Variants in FGGY observed in about 807,000 individuals in gnomAD.
FGGY encodes the protein FGGY carbohydrate kinase domain containing, also known as FGGY carbohydrate kinase domain-containing protein.
A neutral mutation model predicts 71.3 loss-of-function variants in FGGY; 72 were observed. The ratio of observed to expected loss-of-function variants is 1.01; its 90% CI spans 0.84 to 1.23. The LOEUF (loss-of-function observed/expected upper bound fraction) is 1.23. Among genes scored for constraint, FGGY ranks in the 50% most tolerant of loss-of-function variants. The pLI is 0.00. For synonymous variants in FGGY, 251 were observed against 250.3 expected (o/e 1.00, Z -0.02); for missense variants, 668 against 682.3 (o/e 0.98, Z 0.23).
At chr1:59,374,446 A>T (rs1329766351) in intron 4 of FGGY, among the ~76,000 whole-genome samples, 1 of 152,170 alleles carries the variant, frequency 6.6e-6, no homozygotes, top group Admixed American at 6.5e-5. Context: ...ACACTTTTAC[A>T]CTGTTGTTGG....
chr1:59,379,197 T>C (rs1374775075), intron 5 of FGGY, among the ~76,000 whole-genome samples: 1 of 83,626 alleles, frequency 1.2e-5, no homozygotes, highest in Non-Finnish European at 2.5e-5. Context: ...ACACACAGAG[T>C]CACGCATTCC....
intron 5 of FGGY, among the ~76,000 whole-genome samples, chr1:59,452,415 A>G (rs2153502741): frequency 6.6e-6 from 1 of 152,260 alleles, no homozygotes; most frequent in Non-Finnish European, 1.5e-5. Flanking sequence ...GAAATTTTAA[A>G]CGTAAAATCA....
rs536430718 is a variant in FGGY at position 59,644,839 on chromosome 1, T to G, written c.1221+6464T>G. ...AAAAATACAAAAAATTGGCTGTGCGTGGTGGCACACACCTATGGTCCCAGC... is the reference window on the plus strand; with the variant it reads ...AAAAATACAAAAAATTGGCTGTGCGGGGTGGCACACACCTATGGTCCCAGC... On this transcript the variant is annotated intron_variant, in intron 11 of 15. Transcript: ENST00000303721. Among the ~76,000 whole-genome samples, 8 of 152,192 alleles carry G rather than the reference T, an allele frequency of 5.3e-5. No individual in the cohort carries two copies. The South Asian group carries it at 1.4e-3, about 28-fold the overall frequency.
At chr1:59,657,591 A>G (rs2097232258) in intron 11 of FGGY, among the ~76,000 whole-genome samples, 1 of 152,140 alleles carries the variant, frequency 6.6e-6, no homozygotes, top group Non-Finnish European at 1.5e-5. Flanking sequence ...GTTCATGACT[A>G]GTGATCATTG....
intron 5 of FGGY, among the ~76,000 whole-genome samples, chr1:59,386,538 C>T (rs2060094183): frequency 6.6e-6 from 1 of 151,862 alleles, no homozygotes; most frequent in Non-Finnish European, 1.5e-5. Flanking sequence ...TACTCTTCCA[C>T]CCCCCACCCC....
rs531925531 is a variant in FGGY, at chr1:59,410,572, G to T, written c.554+31735G>T. Among the ~76,000 whole-genome samples, 9 of 152,170 alleles carry T rather than the reference G, an allele frequency of 5.9e-5. No homozygotes were observed. The East Asian group carries it at 1.7e-3, about 30-fold the overall frequency. On this transcript the variant is annotated intron_variant, in intron 5 of 15. Transcript: ENST00000303721. ...TTATTGATGATGGTATAGGGATAGG[G>T]TGTTAAAGAACATTGATGCCCATAG...
chr1:59,449,921 C>T (rs980194477), intron 5 of FGGY, among the ~76,000 whole-genome samples: 1 of 152,164 alleles, frequency 6.6e-6, no homozygotes, highest in African/African-American at 2.4e-5. Flanking sequence ...AGTCAGTCCT[C>T]ATCATGCCAC....
chr1:59,352,088 C>T (rs1557642793), intron 4 of FGGY, among the ~76,000 whole-genome samples: 1 of 152,158 alleles, frequency 6.6e-6, no homozygotes, highest in South Asian at 2.1e-4. Flanking sequence ...TTTTTCATAA[C>T]CCCCAGCAGT....
intron 8 of FGGY, among the ~76,000 whole-genome samples, chr1:59,586,564 G>A (rs2096291872): frequency 6.6e-6 from 1 of 152,148 alleles, no homozygotes; most frequent in African/African-American, 2.4e-5. Context: ...GTTAAATGAC[G>A]AGTTAATGGA....
intron 5 of FGGY, among the ~76,000 whole-genome samples, chr1:59,416,885 A>G (rs11207444): frequency 0.17 from 25,630 of 152,158 alleles, 2,724 homozygotes; most frequent in East Asian, 0.36. Context: ...GTGGAAAACA[A>G]GATTATCATG....
At chr1:59,627,169 A>G (rs960414714) in intron 10 of FGGY, among the ~76,000 whole-genome samples, 2 of 152,040 alleles carry the variant, frequency 1.3e-5, no homozygotes, top group African/African-American at 2.4e-5. Flanking sequence ...AAAAGAAAAG[A>G]AAGGAAAAGA....
In FGGY at chr1:59,535,583, C is replaced by T. The variant is rs1248965450; in HGVS notation, c.800-18541C>T. Among the ~76,000 whole-genome samples, 6 of 151,958 alleles carry T rather than the reference C, an allele frequency of 3.9e-5. No homozygotes were observed. In the South Asian group the frequency reaches 6.3e-4, roughly 16 times the overall value. On this transcript the variant is annotated intron_variant, in intron 7 of 15. Transcript: ENST00000303721. ...CCAAAATTGACCACATAGTTGGAAG[C>T]AAAGCTCTCCTCAGCAAATGTAAAA...
At chr1:59,678,731 C>T (rs745659422) in intron 14 of FGGY, among the ~76,000 whole-genome samples, 6 of 152,126 alleles carry the variant, frequency 3.9e-5, no homozygotes, top group African/African-American at 1.4e-4. Flanking sequence ...TTAATTCCAG[C>T]AGTGCTATTT....
At chr1:59,388,732 A>G (rs374171413) in intron 5 of FGGY, among the ~76,000 whole-genome samples, 3 of 152,314 alleles carry the variant, frequency 2.0e-5, no homozygotes, top group African/African-American at 4.8e-5. Flanking sequence ...ATACTATTCA[A>G]TGATTTTTGC....
intron 14 of FGGY, among the ~76,000 whole-genome samples, chr1:59,708,015 G>T (rs1021466813): frequency 6.6e-6 from 1 of 152,158 alleles, no homozygotes; most frequent in Non-Finnish European, 1.5e-5. Flanking sequence ...GGGGACATTT[G>T]GTTCCAGAGT....
At chr1:59,662,319 CAA>C (rs372754171) in intron 12 of FGGY, among the ~76,000 whole-genome samples, 27 of 101,090 alleles carry the variant, frequency 2.7e-4, no homozygotes, top group Non-Finnish European at 2.6e-4. Flanking sequence ...GACTCCATCT[CAA>C]AAAAAAAAAA....
intron 5 of FGGY, among the ~76,000 whole-genome samples, chr1:59,392,894 C>T (rs957579180): frequency 2.0e-5 from 3 of 152,106 alleles, no homozygotes; most frequent in Non-Finnish European, 4.4e-5. Flanking sequence ...AAATTGTCAA[C>T]CTGTATTGTT....
At chr1:59,500,285 T>C (rs1343500146) in intron 6 of FGGY, among the ~76,000 whole-genome samples, 1 of 152,202 alleles carries the variant, frequency 6.6e-6, no homozygotes, top group East Asian at 1.9e-4. Flanking sequence ...TTACTCATAA[T>C]TTTATTTAAA....
intron 6 of FGGY, among the ~76,000 whole-genome samples, chr1:59,471,688 G>A (rs2092948021): frequency 6.6e-6 from 1 of 152,296 alleles, no homozygotes; most frequent in South Asian, 2.1e-4. Flanking sequence ...CACTCCCCAA[G>A]TGTCTCCTGT....
Sources: allele counts gnomAD v4.1 joint callset (sites outside exome capture counted in the v4.1 genomes callset), GRCh38; gene constraint gnomAD v4.1.1; transcripts MANE v1.5; gene names NCBI Gene and HGNC (gene_info 2026-07-23, HGNC 2026-07-21).